Variants in CEP192 observed in about 807,000 individuals in gnomAD.
The protein encoded by CEP192 is centrosomal protein of 192 kDa.
CEP192 carries 151 observed loss-of-function variants against 271.8 expected under a neutral mutation model. The observed-to-expected ratio is 0.56, with a 90% CI of 0.49 to 0.64. The LOEUF (loss-of-function observed/expected upper bound fraction) is 0.64, where lower values mean the gene tolerates loss of function less well. Ranked by LOEUF, CEP192 falls within the 30% of genes least tolerant of loss-of-function variation. The pLI, the probability that CEP192 is intolerant of heterozygous loss-of-function variation, is 0.00. For synonymous variants in CEP192, 995 were observed against 1,076.5 expected, an observed-to-expected ratio of 0.92 and a Z score of 1.48; for missense variants, 2,910 against 3,020.5, an observed-to-expected ratio of 0.96 and a Z score of 0.86.
chr18:13,087,259 C>G lies in CEP192; in HGVS notation c.5859C>G (p.Leu1953=). The G allele has an allele frequency of 1.4e-5, 22 of 1,604,422 alleles. No homozygotes were observed. Among genetic ancestry groups the G allele is most frequent in the Non-Finnish European group, 1.9e-5 (22 of 1,172,556 alleles). The change falls in exon 31 of 45, where the codon CTC becomes CTG. Residue 1953 remains leucine, a synonymous_variant. Coordinates refer to ENST00000506447, the MANE Select transcript of CEP192 (RefSeq NM_032142.4). ...VLRIFPDKFV[L]KERTQENVTL... ...GGATTTTTCCAGATAAATTTGTACT[C>G]AAGGAAAGAACACAAGAAGTAAGTA...
chr18:13,117,119 G>T (rs1287605028), intron 43 of CEP192, among the ~76,000 whole-genome samples: 2 of 152,040 alleles, frequency 1.3e-5, no homozygotes, highest in African/African-American at 4.8e-5. Flanking sequence ...AGCTACTTGT[G>T]GGGGCTGAGC....
intron 18 of CEP192, among the ~76,000 whole-genome samples, chr18:13,053,917 C>T (rs2036942224): frequency 6.6e-6 from 1 of 151,960 alleles, no homozygotes; most frequent in African/African-American, 2.4e-5. Flanking sequence ...GTCTTGTACT[C>T]CTGGGCTCAG....
At chr18:13,104,037 G>C in intron 39 of CEP192, 1 of 355,446 alleles carries the variant, frequency 2.8e-6, no homozygotes, top group South Asian at 2.1e-5. Flanking sequence ...TTTCTCTTTA[G>C]ATGAGGATGA....
At chr18:13,104,940 A>C (rs376516355) in intron 39 of CEP192, 44 bp from the exon 40 acceptor site, 1 of 1,403,944 alleles carries the variant, frequency 7.1e-7, no homozygotes, top group Non-Finnish European at 1.0e-6. Context: ...GGATTTATCC[A>C]TTGGCTTTAT....
chr18:13,057,355 G>A (rs1015003041), intron 19 of CEP192, among the ~76,000 whole-genome samples: 2 of 151,936 alleles, frequency 1.3e-5, no homozygotes, highest in African/African-American at 4.8e-5. Flanking sequence ...GTAATTGTGA[G>A]TTTGATCCAA....
intron 42 of CEP192, 78 bp from the exon 43 acceptor site, chr18:13,116,299 C>T: frequency 1.5e-6 from 2 of 1,337,616 alleles, no homozygotes; most frequent in East Asian, 2.4e-5. Context: ...TGCAATACTA[C>T]ATAATTTTAA....
chr18:13,024,977 G>A (rs2035210541), intron 9 of CEP192, among the ~76,000 whole-genome samples: 1 of 150,686 alleles, frequency 6.6e-6, no homozygotes, highest in Non-Finnish European at 1.5e-5. Flanking sequence ...TCACCACGTT[G>A]GCCAGGCTGG....
At chr18:13,100,564 T>A in intron 38 of CEP192, 52 bp downstream of exon 38, 2 of 1,358,360 alleles carry the variant, frequency 1.5e-6, no homozygotes, top group Non-Finnish European at 2.1e-6. Flanking sequence ...ATATTGAGTC[T>A]AATGCTTTAT....
chr18:13,082,432 C>CTTTTTTTTTTTTTTTTTTTTTT (rs57663388), intron 30 of CEP192, among the ~76,000 whole-genome samples: 1 of 49,920 alleles, frequency 2.0e-5, no homozygotes, highest in Non-Finnish European at 3.5e-5. Flanking sequence ...GCAACCCCTG[C>CTTTTTTTTTTTTTTTTTTTTTT]TTTTTTTTTT....
intron 44 of CEP192, among the ~76,000 whole-genome samples, chr18:13,121,633 CTT>C (rs1392561479): frequency 6.6e-6 from 1 of 152,122 alleles, no homozygotes; most frequent in Non-Finnish European, 1.5e-5. Context: ...TTTCTTATAT[CTT>C]TTTTAAAAGA....
At position 13,066,262 on chromosome 18, in the gene CEP192, T is replaced by C. The variant is rs150916919; in HGVS notation, c.4489-1569T>C. 8.0e-3 allele frequency among the ~76,000 whole-genome samples: 1,220 copies of C among 152,344 alleles called. 8 individuals carry two copies. Among genetic ancestry groups the C allele is most frequent in the Non-Finnish European group, 0.012 (848 of 68,022 alleles). ...TCAAGCTATTTATACATCTTTTTGC[T>C]AACCATTGCTTCATGAATCTCTTGC... On this transcript the variant is annotated intron_variant, in intron 21 of 44. Transcript: ENST00000506447.
At chr18:13,011,402 AG>A in intron 4 of CEP192, among the ~76,000 whole-genome samples, 1 of 152,230 alleles carries the variant, frequency 6.6e-6, no homozygotes, top group Non-Finnish European at 1.5e-5. Context: ...CACTTTGGAA[AG>A]CAGTTTGACA....
intron 36 of CEP192, among the ~76,000 whole-genome samples, chr18:13,098,857 G>T (rs1273073370): frequency 6.6e-6 from 1 of 152,156 alleles, no homozygotes; most frequent in Non-Finnish European, 1.5e-5. Flanking sequence ...GTAGCGAGCC[G>T]AAATCACGCC....
intron 8 of CEP192, 59 bp downstream of exon 8, chr18:13,018,674 T>TAA: frequency 2.0e-6 from 2 of 994,290 alleles, no homozygotes; most frequent in Non-Finnish European, 1.4e-6. Context: ...TTACTTTTTT[T>TAA]AAAAAAAAAA....
chr18:13,086,934 T>C lies in CEP192; in HGVS notation c.5617-83T>C, dbSNP rs561114477. The C allele has an allele frequency of 2.3e-5, 22 of 963,562 alleles. No homozygotes were observed. In the South Asian group the frequency reaches 3.2e-4, roughly 14 times the overall value. 59.7% of individuals were successfully genotyped at this position (963,562 alleles called of 1,614,324 possible). A position where few individuals can be genotyped will look rare whatever the true frequency, so the allele number is the denominator to read the frequency against. On this transcript the variant is annotated intron_variant, in intron 30 of 44. Coordinates refer to ENST00000506447, the MANE Select transcript of CEP192 (RefSeq NM_032142.4). ...TAAATTTTTAATTGTATTAAATCTT[T>C]CTGAATTTTCTTCTCACTGTAATTC...
chr18:13,035,490 A>G (rs531931920), intron 11 of CEP192, among the ~76,000 whole-genome samples: 2 of 152,352 alleles, frequency 1.3e-5, no homozygotes, highest in Admixed American at 6.5e-5. Flanking sequence ...CTTATTCACT[A>G]TCATGAGAAT....
At chr18:13,115,837 G>A (rs1332877252) in intron 42 of CEP192, among the ~76,000 whole-genome samples, 1 of 152,154 alleles carries the variant, frequency 6.6e-6, no homozygotes, top group African/African-American at 2.4e-5. Flanking sequence ...AGATAGGGCT[G>A]CTGGGGGGTG....
chr18:13,042,301 T>A lies in CEP192; in HGVS notation c.2034T>A (p.Asp678Glu). 6.2e-7 allele frequency: 1 copy of A among 1,614,084 alleles called. No individual in the cohort carries two copies. The highest frequency in any genetic ancestry group is 8.5e-7 in the Non-Finnish European group (1 of 1,179,966). The change falls in exon 15 of 45, where the codon GAT becomes GAA. Residue 678 changes from aspartate to glutamate, a missense_variant. By Grantham distance (45) the Asp-to-Glu change is conservative. Coordinates refer to ENST00000506447, the MANE Select transcript of CEP192 (RefSeq NM_032142.4). ...VESTSQVDENDVTLTADKGKT... is the reference protein window; with the variant it reads ...VESTSQVDENEVTLTADKGKT... Reference sequence around the variant, plus strand: ...GTACTTCACAAGTGGATGAAAATGATGTGACGTTAACGGCTGATAAAGGCA... The same window carrying A: ...GTACTTCACAAGTGGATGAAAATGAAGTGACGTTAACGGCTGATAAAGGCA...
At chr18:13,008,348 C>T (rs2034109144) in intron 3 of CEP192, 108 bp from the exon 4 acceptor site, 1 of 741,766 alleles carries the variant, frequency 1.3e-6, no homozygotes, top group Non-Finnish European at 2.2e-6. Flanking sequence ...TTTATTGCTT[C>T]CATTTTTTCT....
Sources: allele counts gnomAD v4.1 joint callset (sites outside exome capture counted in the v4.1 genomes callset), GRCh38; gene constraint gnomAD v4.1.1; transcripts MANE v1.5; gene names NCBI Gene and HGNC (gene_info 2026-07-23, HGNC 2026-07-21).